Variants in FBXW7 observed in about 807,000 individuals in gnomAD.
FBXW7 encodes the protein F-box and WD repeat domain containing 7.
FBXW7 carries 11 observed loss-of-function variants against 86.3 expected under a neutral mutation model. The observed-to-expected ratio is 0.13, with a 90% CI of 0.08 to 0.21. The LOEUF is 0.21. FBXW7 is among the 10% of genes least tolerant of loss of function. FBXW7 has a pLI of 1.00. For missense variants in FBXW7, 488 were observed against 847.4 expected, an observed-to-expected ratio of 0.58 and a Z score of 5.27; for synonymous variants, 313 against 297.9, an observed-to-expected ratio of 1.05 and a Z score of -0.52.
chr4:152,325,971 A>T (rs1161858784), intron 12 of FBXW7, 35 bp downstream of exon 12: 3 of 1,549,424 alleles, frequency 1.9e-6, no homozygotes, highest in Admixed American at 1.7e-5. Flanking sequence ...ATGATTCATC[A>T]GGAGAGCATT....
chr4:152,457,144 T>C (rs1015186785), intron 2 of FBXW7, among the ~76,000 whole-genome samples: 1 of 152,226 alleles, frequency 6.6e-6, no homozygotes. Context: ...AGACACATTA[T>C]ATGATTCTAC....
At chr4:152,351,440 C>G (rs1046577389) in intron 4 of FBXW7, among the ~76,000 whole-genome samples, 1 of 152,028 alleles carries the variant, frequency 6.6e-6, no homozygotes. Flanking sequence ...GGTTTCTTCC[C>G]TTTAGAAGTT....
At chr4:152,456,045 A>T (rs1451193841) in intron 2 of FBXW7, among the ~76,000 whole-genome samples, 2 of 152,220 alleles carry the variant, frequency 1.3e-5, no homozygotes, top group Non-Finnish European at 2.9e-5. Flanking sequence ...AGCATGAAAT[A>T]TAAAAGAAAA....
At chr4:152,372,289 T>G (rs1241353527) in intron 4 of FBXW7, among the ~76,000 whole-genome samples, 1 of 151,926 alleles carries the variant, frequency 6.6e-6, no homozygotes, top group African/African-American at 2.4e-5. Context: ...CATTTCAAAG[T>G]GTGTTCAGTT....
intron 6 of FBXW7, among the ~76,000 whole-genome samples, chr4:152,342,421 T>C (rs1249683312): frequency 6.6e-6 from 1 of 152,170 alleles, no homozygotes; most frequent in African/African-American, 2.4e-5. Flanking sequence ...AATTACTGAG[T>C]TCTAAAACCC....
rs973598382 is a variant in FBXW7 at position 152,374,896 on chromosome 4, G to GC, written c.502-24773_502-24772insG. 1.1e-4 allele frequency among the ~76,000 whole-genome samples: 17 copies of GC among 151,912 alleles called. No individual in the cohort carries two copies. The East Asian group carries it at 1.6e-3, about 14-fold the overall frequency. ...ATAGACTAGTTACAGGAGGGGGGGG[G>GC]ATGATGCTGGCTTTTAAAACGTTTT... On this transcript the variant is annotated intron_variant, in intron 4 of 13. Transcript: ENST00000281708.
chr4:152,371,755 T>C (rs1456912141), intron 4 of FBXW7, among the ~76,000 whole-genome samples: 2 of 152,002 alleles, frequency 1.3e-5, no homozygotes, highest in Admixed American at 6.6e-5. Flanking sequence ...TGTTCACTAA[T>C]GTATCCCAAG....
chr4:152,530,068 A>ATAC (rs1389594279), intron 2 of FBXW7, among the ~76,000 whole-genome samples: 1 of 112,796 alleles, frequency 8.9e-6, no homozygotes, highest in Admixed American at 9.9e-5. Flanking sequence ...AAAAAAAAAA[A>ATAC]ATACACACAC....
At chr4:152,333,103 C>G (rs1729722268) in intron 7 of FBXW7, among the ~76,000 whole-genome samples, 1 of 152,044 alleles carries the variant, frequency 6.6e-6, no homozygotes, top group African/African-American at 2.4e-5. Context: ...AAATGCTTCC[C>G]TGACAGATAA....
At position 152,535,642 on chromosome 4, in the gene FBXW7, CA is replaced by C. The variant is rs1750476011; in HGVS notation, c.-729del. The C allele has an allele frequency of 1.5e-5, 6 of 396,692 alleles. No homozygotes were observed. Among genetic ancestry groups the C allele is most frequent in the Admixed American group, 8.8e-5 (2 of 22,638 alleles). 24.6% of individuals were successfully genotyped at this position (396,692 alleles called of 1,614,324 possible). A position where few individuals can be genotyped will look rare whatever the true frequency, so the allele number is the denominator to read the frequency against. On this transcript the variant is annotated 5_prime_UTR_variant, in exon 1 of 14. An upstream start codon of the reference 5' UTR is lost. Coordinates refer to ENST00000281708, the MANE Select transcript of FBXW7 (RefSeq NM_001349798.2). ...GCGCCGCCCCCGCTCCCGGCTCCCG[CA>C]TGTGTCGCTGCGGCTGGGACCCCCC...
intron 2 of FBXW7, among the ~76,000 whole-genome samples, chr4:152,435,065 TGGGGA>T (rs1208603429): frequency 0.2 from 2,368 of 11,982 alleles, 115 homozygotes; most frequent in South Asian, 0.4. Flanking sequence ...ACGAGAGGCC[TGGGGA>T]GGGGAGGGGA....
intron 4 of FBXW7, among the ~76,000 whole-genome samples, chr4:152,376,581 T>C (rs1401513979): frequency 1.3e-5 from 2 of 152,060 alleles, no homozygotes; most frequent in Non-Finnish European, 2.9e-5. Context: ...GTTATGAGAA[T>C]GAGAAGATTA....
At chr4:152,385,376 A>C (rs974254608) in intron 4 of FBXW7, among the ~76,000 whole-genome samples, 1 of 152,020 alleles carries the variant, frequency 6.6e-6, no homozygotes, top group African/African-American at 2.4e-5. Context: ...CAATATTATA[A>C]ATTTTCACTT....
intron 2 of FBXW7, among the ~76,000 whole-genome samples, chr4:152,524,246 C>T (rs1418428909): frequency 1.3e-5 from 2 of 152,134 alleles, no homozygotes; most frequent in African/African-American, 4.8e-5. Context: ...CACAAAGCAG[C>T]AGAGCTGGAA....
At chr4:152,446,680 C>T (rs1741432935) in intron 2 of FBXW7, among the ~76,000 whole-genome samples, 1 of 152,184 alleles carries the variant, frequency 6.6e-6, no homozygotes, top group Non-Finnish European at 1.5e-5. Flanking sequence ...TAATCACAGA[C>T]CAATCATAGT....
chr4:152,345,938 G>C (rs1450745608), intron 6 of FBXW7, among the ~76,000 whole-genome samples: 4 of 152,114 alleles, frequency 2.6e-5, no homozygotes, highest in Non-Finnish European at 1.5e-5. Context: ...CAAGCAGCCA[G>C]AGGTAGGGTA....
chr4:152,514,885 C>T (rs898264422), intron 2 of FBXW7, among the ~76,000 whole-genome samples: 5 of 152,096 alleles, frequency 3.3e-5, no homozygotes, highest in Admixed American at 1.3e-4. Flanking sequence ...GAGACTAGGA[C>T]GGGGGTATGT....
intron 2 of FBXW7, among the ~76,000 whole-genome samples, chr4:152,490,737 AGTGT>A (rs149432163): frequency 0.014 from 2,082 of 152,242 alleles, 24 homozygotes; most frequent in Middle Eastern, 0.037. Flanking sequence ...CAATACCAAT[AGTGT>A]GTATCTGCAT....
intron 2 of FBXW7, among the ~76,000 whole-genome samples, chr4:152,427,861 T>C (rs1225572647): frequency 1.3e-5 from 2 of 152,184 alleles, no homozygotes; most frequent in Non-Finnish European, 2.9e-5. Flanking sequence ...TGGAAAAGAA[T>C]GACAACAAAA....
Sources: allele counts gnomAD v4.1 joint callset (sites outside exome capture counted in the v4.1 genomes callset), GRCh38; gene constraint gnomAD v4.1.1; transcripts MANE v1.5; gene names NCBI Gene and HGNC (gene_info 2026-07-23, HGNC 2026-07-21).